CNTN5: variants seen among roughly 807,000 people sequenced by gnomAD.
CNTN5 encodes the protein contactin 5, also known as contactin-5.
Under a neutral mutation model 129.1 loss-of-function variants are expected in CNTN5, and 77 were observed. That is an observed-to-expected ratio of 0.60 (90% confidence interval 0.50 to 0.72). The LOEUF (loss-of-function observed/expected upper bound fraction) is 0.72, where lower values mean the gene tolerates loss of function less well. CNTN5 is among the 30% of genes least tolerant of loss of function. The pLI is 0.00. For missense variants in CNTN5, 1,478 were observed against 1,328.8 expected, an observed-to-expected ratio of 1.11 and a Z score of -1.75; for synonymous variants, 509 against 465.6, an observed-to-expected ratio of 1.09 and a Z score of -1.20.
At chr11:99,321,059 T>C (rs963779994) in intron 1 of CNTN5, among the ~76,000 whole-genome samples, 39 of 152,288 alleles carry the variant, frequency 2.6e-4, no homozygotes, top group African/African-American at 9.1e-4. Flanking sequence ...CTTCAGACTT[T>C]GAAACGTCAG....
intron 8 of CNTN5, among the ~76,000 whole-genome samples, chr11:99,977,680 A>G (rs957879711): frequency 6.6e-6 from 1 of 152,102 alleles, no homozygotes; most frequent in Non-Finnish European, 1.5e-5. Flanking sequence ...CACTAGGGGG[A>G]TGGTGCTAAA....
chr11:99,990,455 T>TATATAC (rs560732478), intron 8 of CNTN5, among the ~76,000 whole-genome samples: 128 of 145,180 alleles, frequency 8.8e-4, no homozygotes, highest in Non-Finnish European at 1.3e-3. Context: ...TATATATATA[T>TATATAC]ACACACACAC....
intron 3 of CNTN5, among the ~76,000 whole-genome samples, chr11:99,727,602 T>C (rs1326781583): frequency 1.1e-5 from 1 of 92,892 alleles, no homozygotes; most frequent in African/African-American, 4.6e-5. Flanking sequence ...TGTCCTTTAA[T>C]GAAAAAAATC....
chr11:100,217,029 G>A lies in CNTN5; in HGVS notation c.1885-7663G>A, dbSNP rs560972821. Among the ~76,000 whole-genome samples, 771 of 152,198 alleles carry A rather than the reference G, an allele frequency of 5.1e-3. 3 individuals carry two copies. Among genetic ancestry groups the A allele is most frequent in the Middle Eastern group, 0.014 (4 of 294 alleles). ...CAGCCCCATTTTCTCAACTGCTATG[G>A]GAATTGGTTAGGCTACATAATTTAT... On this transcript the variant is annotated intron_variant, in intron 15 of 24. Transcript: ENST00000524871.
chr11:99,272,233 A>G (rs1316481598), intron 1 of CNTN5, among the ~76,000 whole-genome samples: 1 of 151,302 alleles, frequency 6.6e-6, no homozygotes, highest in East Asian at 2.0e-4. Context: ...GCTTTTAAAT[A>G]TTGTCTTGTG....
At position 99,699,232 on chromosome 11, in the gene CNTN5, GA is replaced by G. The variant is rs1954410127; in HGVS notation, c.56-120308del. On this transcript the variant is annotated intron_variant, in intron 3 of 24. Coordinates refer to ENST00000524871, the MANE Select transcript of CNTN5 (RefSeq NM_014361.4). The stretch of plus-strand genomic sequence containing the variant: ...GCAATGACACTTTAAAATTAACTAA[GA>G]AAATTAAATTTGAGGTAAAATTCAA... 4.0e-5 allele frequency among the ~76,000 whole-genome samples: 6 copies of G among 151,358 alleles called. No homozygotes were observed. The South Asian group carries it at 1.2e-3, about 31-fold the overall frequency.
intron 9 of CNTN5, among the ~76,000 whole-genome samples, chr11:100,053,043 A>C (rs756896857): frequency 8.6e-5 from 13 of 151,762 alleles, no homozygotes; most frequent in Non-Finnish European, 1.8e-4. Flanking sequence ...TACCATAAAC[A>C]GCAAATAAAC....
intron 8 of CNTN5, among the ~76,000 whole-genome samples, chr11:99,993,850 A>G (rs1224267086): frequency 6.6e-6 from 1 of 152,202 alleles, no homozygotes. Flanking sequence ...CAAGATGTCT[A>G]AAAAGCTTTC....
intron 1 of CNTN5, among the ~76,000 whole-genome samples, chr11:99,247,560 A>G (rs1352859577): frequency 3.3e-5 from 5 of 152,048 alleles, no homozygotes; most frequent in Non-Finnish European, 7.4e-5. Flanking sequence ...TGTTGCACCC[A>G]TTAACTCGTC....
intron 1 of CNTN5, among the ~76,000 whole-genome samples, chr11:99,098,542 G>A (rs1044976920): frequency 2.0e-5 from 3 of 152,036 alleles, no homozygotes; most frequent in African/African-American, 7.2e-5. Flanking sequence ...CTGCTACGAG[G>A]TTTTCATCGT....
intron 18 of CNTN5, among the ~76,000 whole-genome samples, chr11:100,273,209 G>A (rs1236308743): frequency 1.3e-5 from 2 of 152,092 alleles, no homozygotes; most frequent in Non-Finnish European, 2.9e-5. Context: ...TGACTGAAAG[G>A]CAGAGAGCTT....
chr11:99,966,761 T>G (rs11222083), intron 8 of CNTN5, among the ~76,000 whole-genome samples: 32,203 of 152,050 alleles, frequency 0.21, 3,879 homozygotes, highest in African/African-American at 0.32. Flanking sequence ...TTAGAGAAAG[T>G]GACTCCTTCT....
chr11:99,870,520 A>G (rs751105428), intron 6 of CNTN5, among the ~76,000 whole-genome samples: 3 of 152,184 alleles, frequency 2.0e-5, no homozygotes, highest in Non-Finnish European at 4.4e-5. Context: ...CATAATGACA[A>G]GGTCACAAAT....
At position 100,061,197 on chromosome 11, in the gene CNTN5, T is replaced by C; in HGVS notation, c.981-15T>C. ...GTGGAGAGTGTATTAACAGTATTTTTGTTCCCTATCGTAGCCCCGTTCCAA... is the reference window on the plus strand; with the variant it reads ...GTGGAGAGTGTATTAACAGTATTTTCGTTCCCTATCGTAGCCCCGTTCCAA... On this transcript the variant is annotated splice_polypyrimidine_tract_variant and intron_variant, in intron 9 of 24. Coordinates refer to ENST00000524871, the MANE Select transcript of CNTN5 (RefSeq NM_014361.4). 6.3e-7 allele frequency: 1 copy of C among 1,594,438 alleles called. No homozygotes were observed. The highest frequency in any genetic ancestry group is 8.6e-7 in the Non-Finnish European group (1 of 1,164,682).
rs541576077 is a variant in CNTN5 at position 100,333,927 on chromosome 11, A to G, written c.2731-6536A>G. 3.3e-5 allele frequency among the ~76,000 whole-genome samples: 5 copies of G among 152,272 alleles called. No individual in the cohort carries two copies. The South Asian group carries it at 8.3e-4, about 25-fold the overall frequency. On this transcript the variant is annotated intron_variant, in intron 21 of 24. Transcript: ENST00000524871. ...AGCAAATGCAACAAAAACAAAGATA[A>G]ATAGATGGGACTTAATTAAACTAAA...
intron 13 of CNTN5, among the ~76,000 whole-genome samples, chr11:100,101,467 C>T (rs147950843): frequency 3.0e-4 from 45 of 152,254 alleles, no homozygotes; most frequent in African/African-American, 9.9e-4. Flanking sequence ...TAGAGAATTT[C>T]TCATAAGCAT....
At chr11:100,068,337 A>C (rs901534567) in intron 10 of CNTN5, among the ~76,000 whole-genome samples, 10 of 152,286 alleles carry the variant, frequency 6.6e-5, no homozygotes, top group Non-Finnish European at 1.0e-4. Context: ...GAGGAGGTGC[A>C]CATGACTCTT....
At chr11:99,940,882 G>GTACA (rs1252006821) in intron 7 of CNTN5, among the ~76,000 whole-genome samples, 7 of 150,230 alleles carry the variant, frequency 4.7e-5, no homozygotes. Context: ...ATGCAAAACT[G>GTACA]TACAAGGAAG....
chr11:99,530,523 C>G (rs558043760), intron 2 of CNTN5, among the ~76,000 whole-genome samples: 8 of 152,184 alleles, frequency 5.3e-5, no homozygotes, highest in African/African-American at 1.4e-4. Context: ...CCTCATGGAT[C>G]TTACACTCTG....
Sources: allele counts gnomAD v4.1 joint callset (sites outside exome capture counted in the v4.1 genomes callset), GRCh38; gene constraint gnomAD v4.1.1; transcripts MANE v1.5; gene names NCBI Gene and HGNC (gene_info 2026-07-23, HGNC 2026-07-21).